The following GALNT11 variants were observed in gnomAD, a reference collection of about 807,000 sequenced individuals.
GALNT11 encodes polypeptide N-acetylgalactosaminyltransferase 11, also known as UDP-GalNAc:polypeptide N-acetylgalactosaminyltransferase 11.
In GALNT11, 47 loss-of-function variants were observed where a neutral mutation model predicts 72.7. That is an observed-to-expected ratio of 0.65 (90% CI 0.51 to 0.82). The LOEUF (loss-of-function observed/expected upper bound fraction) is 0.82. Ranked by LOEUF, GALNT11 falls within the 40% of genes least tolerant of loss-of-function variation. The pLI is 0.00. For missense variants in GALNT11, 677 were observed against 778.4 expected, an observed-to-expected ratio of 0.87 and a Z score of 1.55; for synonymous variants, 270 against 286.6, an observed-to-expected ratio of 0.94 and a Z score of 0.58.
chr7:152,038,742 T>C (rs1383577299), intron 1 of GALNT11, among the ~76,000 whole-genome samples: 2 of 152,246 alleles, frequency 1.3e-5, no homozygotes, highest in African/African-American at 4.8e-5. Flanking sequence ...AGGACGATCA[T>C]TGTTGAAATC....
At chr7:152,089,715 A>G (rs2085887381) in intron 1 of GALNT11, among the ~76,000 whole-genome samples, 1 of 152,250 alleles carries the variant, frequency 6.6e-6, no homozygotes, top group Admixed American at 6.5e-5. Context: ...CATAGAATGT[A>G]CTATGCACCT....
intron 1 of GALNT11, chr7:152,075,136 C>G (rs1203159445): frequency 6.6e-6 from 1 of 152,204 alleles, no homozygotes; most frequent in South Asian, 2.1e-4. Flanking sequence ...TAGTCCACAC[C>G]GAGCATCCAG....
chr7:152,066,053 G>A (rs2084288995), intron 1 of GALNT11, among the ~76,000 whole-genome samples: 1 of 152,240 alleles, frequency 6.6e-6, no homozygotes, highest in Non-Finnish European at 1.5e-5. Context: ...AGTCTACAGA[G>A]GCAGGCAGGC....
At chr7:152,071,354 A>G (rs1190790011) in intron 1 of GALNT11, among the ~76,000 whole-genome samples, 2 of 152,202 alleles carry the variant, frequency 1.3e-5, no homozygotes, top group Non-Finnish European at 2.9e-5. Context: ...CCTTGCTGAG[A>G]AAAAGAATTC....
At chr7:152,064,917 G>T (rs1051261860) in intron 1 of GALNT11, among the ~76,000 whole-genome samples, 2 of 152,156 alleles carry the variant, frequency 1.3e-5, no homozygotes, top group African/African-American at 2.4e-5. Flanking sequence ...TGGTGAATCC[G>T]CCAATTATGT....
At chr7:152,054,931 A>T (rs1241193947) in intron 1 of GALNT11, among the ~76,000 whole-genome samples, 1 of 152,198 alleles carries the variant, frequency 6.6e-6, no homozygotes, top group East Asian at 1.9e-4. Context: ...ACACACACAA[A>T]TGCACACGCA....
intron 5 of GALNT11, chr7:152,107,304 A>C (rs942386780): frequency 2.0e-5 from 3 of 149,858 alleles, no homozygotes; most frequent in African/African-American, 7.3e-5. Flanking sequence ...TAAAATGCAG[A>C]ATAAAATGTC....
At chr7:152,093,313 G>A (rs924999859) in intron 1 of GALNT11, among the ~76,000 whole-genome samples, 1 of 151,850 alleles carries the variant, frequency 6.6e-6, no homozygotes, top group Admixed American at 6.6e-5. Context: ...TATAGGTGAG[G>A]GAATATAATT....
At chr7:152,026,805 T>TAGAC (rs1182681467) in intron 1 of GALNT11, among the ~76,000 whole-genome samples, 1 of 152,240 alleles carries the variant, frequency 6.6e-6, no homozygotes, top group African/African-American at 2.4e-5. Flanking sequence ...CGAACTAGTC[T>TAGAC]ATACCTGTAT....
chr7:152,093,220 C>T (rs1330312446), intron 1 of GALNT11, among the ~76,000 whole-genome samples: 2 of 146,888 alleles, frequency 1.4e-5, no homozygotes, highest in African/African-American at 2.5e-5. Context: ...CAGAGTGAGA[C>T]TCTGTCTTAA....
At chr7:152,076,787 C>G (rs374863590) in intron 1 of GALNT11, among the ~76,000 whole-genome samples, 8 of 152,232 alleles carry the variant, frequency 5.3e-5, no homozygotes, top group Non-Finnish European at 1.0e-4. Flanking sequence ...TGTTTATTTA[C>G]TGGGCTTGGT....
chr7:152,096,546 A>G (rs2086387586), intron 2 of GALNT11, among the ~76,000 whole-genome samples: 1 of 152,006 alleles, frequency 6.6e-6, no homozygotes, highest in Non-Finnish European at 1.5e-5. Flanking sequence ...GCGAAACCCT[A>G]TCTCTACTAA....
At chr7:152,076,212 A>C (rs1352274913) in intron 1 of GALNT11, among the ~76,000 whole-genome samples, 1 of 152,122 alleles carries the variant, frequency 6.6e-6, no homozygotes, top group African/African-American at 2.4e-5. Flanking sequence ...ACTTTAAGGC[A>C]AGAAAAGCTG....
chr7:152,112,775 T>C (rs2088383038), intron 7 of GALNT11, among the ~76,000 whole-genome samples: 1 of 151,970 alleles, frequency 6.6e-6, no homozygotes, highest in Non-Finnish European at 1.5e-5. Context: ...TAATCTGGAG[T>C]TATTCTATAT....
At chr7:152,029,070 G>A (rs2082181961) in intron 1 of GALNT11, among the ~76,000 whole-genome samples, 1 of 152,210 alleles carries the variant, frequency 6.6e-6, no homozygotes, top group African/African-American at 2.4e-5. Flanking sequence ...GATTTCAGAA[G>A]CCTTTTCCTA....
At chr7:152,077,212 G>A (rs563077903) in intron 1 of GALNT11, among the ~76,000 whole-genome samples, 1 of 152,192 alleles carries the variant, frequency 6.6e-6, no homozygotes, top group Non-Finnish European at 1.5e-5. Flanking sequence ...TTGTGCTTCC[G>A]ATAATGGCCT....
In GALNT11 at chr7:152,121,574, T is replaced by C. The variant is rs148075524; in HGVS notation, c.1724T>C (p.Val575Ala). ...AACAATCGGCTATACCAGGTGTCGG[T>C]TGGACAGTGCCTGAGAGCAGTGGAT... Reference protein sequence around the residue: ...GKNNRLYQVSVGQCLRAVDPL... With the variant: ...GKNNRLYQVSAGQCLRAVDPL... The change falls in exon 12 of 12, where the codon GTT becomes GCT. Residue 575 changes from valine (V) to alanine (A), a missense_variant. Val to Ala is a moderately conservative substitution (Grantham distance 64). Coordinates refer to ENST00000430044, the MANE Select transcript of GALNT11 (RefSeq NM_022087.4). The C allele has an allele frequency of 1.0e-3, 1,665 of 1,613,864 alleles. 3 individuals are homozygous for C. The highest frequency in any genetic ancestry group is 1.3e-3 in the Non-Finnish European group (1,501 of 1,179,934).
chr7:152,082,149 G>C (rs2085358921), intron 1 of GALNT11, among the ~76,000 whole-genome samples: 1 of 152,042 alleles, frequency 6.6e-6, no homozygotes, highest in South Asian at 2.1e-4. Context: ...ATTTTTGCTG[G>C]GTATTGCTAA....
intron 1 of GALNT11, among the ~76,000 whole-genome samples, chr7:152,088,900 C>T (rs2085824337): frequency 1.3e-5 from 2 of 152,132 alleles, no homozygotes; most frequent in African/African-American, 4.8e-5. Flanking sequence ...GCCTCTTTCT[C>T]ATTGTCGTCT....
Sources: allele counts gnomAD v4.1 joint callset (sites outside exome capture counted in the v4.1 genomes callset), GRCh38; gene constraint gnomAD v4.1.1; transcripts MANE v1.5; gene names NCBI Gene and HGNC (gene_info 2026-07-23, HGNC 2026-07-21).